POU3F3: variants seen among roughly 807,000 people sequenced by gnomAD.
POU3F3 encodes the protein POU domain, class 3, transcription factor 3.
In POU3F3, 1 loss-of-function variant was observed where a neutral mutation model predicts 8.6. That is an observed-to-expected ratio of 0.12 (90% CI 0.04 to 0.55). POU3F3 has a LOEUF of 0.55. Among genes scored for constraint, POU3F3 ranks in the 20% least tolerant of loss-of-function variants. The pLI, the probability that POU3F3 is intolerant of heterozygous loss-of-function variation, is 0.91. For missense variants in POU3F3, 577 were observed against 690.7 expected, an observed-to-expected ratio of 0.84 and a Z score of 1.84; for synonymous variants, 418 against 327.4, an observed-to-expected ratio of 1.28 and a Z score of -2.99.
the POU3F3 span, among the ~76,000 whole-genome samples, chr2:104,904,695 G>A: frequency 6.6e-6 from 1 of 152,144 alleles, no homozygotes; most frequent in African/African-American, 2.4e-5. Context: ...AAAGTCAAAT[G>A]TATACTGAGG....
the POU3F3 span, among the ~76,000 whole-genome samples, chr2:104,914,120 G>A: frequency 8.5e-5 from 13 of 152,232 alleles, no homozygotes; most frequent in Admixed American, 5.9e-4. Context: ...ATATCAGTGA[G>A]CATCTCTGTT....
the POU3F3 span, among the ~76,000 whole-genome samples, chr2:104,897,701 C>A: frequency 1.3e-5 from 2 of 152,194 alleles, no homozygotes; most frequent in African/African-American, 4.8e-5. Context: ...ACTCAGAAGT[C>A]GATCTTTTTG....
At chr2:104,865,074 C>T in the POU3F3 span, among the ~76,000 whole-genome samples, 5 of 152,200 alleles carry the variant, frequency 3.3e-5, no homozygotes, top group Non-Finnish European at 7.3e-5. Context: ...ATGTCCCCAC[C>T]GGCCTGCCTC....
At chr2:104,862,457 T>C (rs1676676052), downstream of POU3F3, among the ~76,000 whole-genome samples, 1 of 151,712 alleles carries the variant, frequency 6.6e-6, no homozygotes, top group South Asian at 2.1e-4. Flanking sequence ...GTGTAAGGCC[T>C]GCCTCCGGTG....
the POU3F3 span, among the ~76,000 whole-genome samples, chr2:104,893,075 A>G: frequency 6.6e-6 from 1 of 152,242 alleles, no homozygotes. Flanking sequence ...ATTAAATTTT[A>G]TGGACGATTA....
downstream of POU3F3, among the ~76,000 whole-genome samples, chr2:104,863,440 G>T (rs546090921): frequency 1.6e-4 from 25 of 152,206 alleles, 1 homozygote; most frequent in South Asian, 1.0e-3. Flanking sequence ...AGAAATGCCT[G>T]TGGGTCTCTG....
At chr2:104,894,852 G>A in the POU3F3 span, among the ~76,000 whole-genome samples, 260 of 152,332 alleles carry the variant, frequency 1.7e-3, no homozygotes, top group African/African-American at 5.9e-3. Context: ...GCACCCACAG[G>A]GGTGAGAACA....
the POU3F3 span, among the ~76,000 whole-genome samples, chr2:104,904,994 C>T: frequency 1.3e-5 from 2 of 152,144 alleles, no homozygotes; most frequent in African/African-American, 4.8e-5. Context: ...CCTAGCCAGC[C>T]CTAAGACCTG....
chr2:104,872,411 G>A, the POU3F3 span: 21 of 446,724 alleles, frequency 4.7e-5, no homozygotes, highest in African/African-American at 3.4e-4. This position sits in a 1 kb window ranked among gnomAD's most constrained non-coding sequence, Gnocchi z 4.6. Flanking sequence ...AAGGGCTGCA[G>A]GGGCGAGAAA....
chr2:104,896,661 C>T, the POU3F3 span, among the ~76,000 whole-genome samples: 1 of 152,210 alleles, frequency 6.6e-6, no homozygotes, highest in South Asian at 2.1e-4. Flanking sequence ...GCCAGACCAT[C>T]CCCTCTGCTC....
chr2:104,911,744 T>C, the POU3F3 span, among the ~76,000 whole-genome samples: 1 of 151,042 alleles, frequency 6.6e-6, no homozygotes, highest in Non-Finnish European at 1.5e-5. Flanking sequence ...AGAGGAACCA[T>C]CCGAGACTGG....
At chr2:104,875,000 C>T in the POU3F3 span, among the ~76,000 whole-genome samples, 2 of 152,122 alleles carry the variant, frequency 1.3e-5, no homozygotes, top group Non-Finnish European at 2.9e-5. Flanking sequence ...TCCCATTTTC[C>T]CCTGCCCCCA....
At chr2:104,892,045 G>T in the POU3F3 span, among the ~76,000 whole-genome samples, 60 of 152,140 alleles carry the variant, frequency 3.9e-4, no homozygotes, top group African/African-American at 1.4e-3. Flanking sequence ...GCACACCTGG[G>T]CTCCGATCAA....
At chr2:104,867,218 G>A in the POU3F3 span, 1 of 152,236 alleles carries the variant, frequency 6.6e-6, no homozygotes, top group South Asian at 2.1e-4. This position sits in a 1 kb window ranked among gnomAD's most constrained non-coding sequence, Gnocchi z 5.0. Flanking sequence ...AGGCACGGAG[G>A]GGAGATTGTA....
At chr2:104,870,646 G>A in the POU3F3 span, among the ~76,000 whole-genome samples, 106 of 152,304 alleles carry the variant, frequency 7.0e-4, no homozygotes, top group African/African-American at 2.1e-3. Context: ...GCTCCTCCAA[G>A]TGCCCAGCTG....
the POU3F3 span, among the ~76,000 whole-genome samples, chr2:104,890,618 C>T: frequency 1.3e-5 from 2 of 152,166 alleles, no homozygotes; most frequent in South Asian, 2.1e-4. Flanking sequence ...TGTGGCTATC[C>T]TGGGTCTCCT....
At chr2:104,876,678 G>A in the POU3F3 span, among the ~76,000 whole-genome samples, 1 of 152,208 alleles carries the variant, frequency 6.6e-6, no homozygotes, top group Non-Finnish European at 1.5e-5. Flanking sequence ...GTAAACGACT[G>A]TGGAGACGGG....
the POU3F3 span, among the ~76,000 whole-genome samples, chr2:104,896,711 T>C: frequency 2.6e-5 from 4 of 152,280 alleles, no homozygotes; most frequent in African/African-American, 9.6e-5. Flanking sequence ...CCCTTTCTCC[T>C]CCTCATTCTC....
the POU3F3 span, among the ~76,000 whole-genome samples, chr2:104,888,007 A>G: frequency 4.6e-4 from 70 of 152,254 alleles, no homozygotes; most frequent in Non-Finnish European, 9.0e-4. Context: ...GCTATACAGC[A>G]CGTGCTTTTA....
Sources: gnomAD v4.1 joint callset for allele counts (sites outside exome capture counted in the v4.1 genomes callset) on GRCh38, gnomAD v4.1.1 for gene constraint, Gnocchi (gnomAD v3.1) non-coding constraint, MANE v1.5 for transcripts, NCBI Gene and HGNC (gene_info 2026-07-23, HGNC 2026-07-21) for gene names.